The following PALLD variants were observed in gnomAD, a reference collection of about 807,000 sequenced individuals.
PALLD encodes the protein palladin.
PALLD carries 61 observed loss-of-function variants against 123.5 expected under a neutral mutation model. That is an observed-to-expected ratio of 0.49 (90% CI 0.40 to 0.61). The LOEUF is 0.61. Ranked by LOEUF, PALLD falls within the 20% of genes least tolerant of loss-of-function variation. The pLI is 0.00. For synonymous variants in PALLD, 465 were observed against 496.4 expected (o/e 0.94, Z 0.84); for missense variants, 1,273 against 1,377.0 (o/e 0.92, Z 1.20).
At chr4:168,587,026 G>A (rs993522836) in intron 2 of PALLD, among the ~76,000 whole-genome samples, 2 of 152,140 alleles carry the variant, frequency 1.3e-5, no homozygotes, top group African/African-American at 4.8e-5. Context: ...AGACATTTCG[G>A]TTGTCACCAC....
At chr4:168,514,597 T>C (rs981466579) in intron 2 of PALLD, among the ~76,000 whole-genome samples, 1 of 152,242 alleles carries the variant, frequency 6.6e-6, no homozygotes, top group African/African-American at 2.4e-5. Context: ...TTCTTACATT[T>C]TACCTTTGAC....
chr4:168,556,606 A>G (rs1767332908), intron 2 of PALLD, among the ~76,000 whole-genome samples: 1 of 152,152 alleles, frequency 6.6e-6, no homozygotes, highest in Non-Finnish European at 1.5e-5. Flanking sequence ...CAAACTATCC[A>G]TCCCCACACA....
At chr4:168,604,115 G>A (rs1454824074) in intron 2 of PALLD, among the ~76,000 whole-genome samples, 1 of 152,138 alleles carries the variant, frequency 6.6e-6, no homozygotes, top group African/African-American at 2.4e-5. Flanking sequence ...GAGCTGCAGT[G>A]AGAAACAAGA....
At chr4:168,782,292 G>A (rs539230849) in intron 10 of PALLD, among the ~76,000 whole-genome samples, 15 of 152,260 alleles carry the variant, frequency 9.9e-5, no homozygotes, top group South Asian at 2.1e-4. Flanking sequence ...GATGTAGAGC[G>A]AATTATATGT....
At chr4:168,666,327 G>A (rs1475142665) in intron 2 of PALLD, among the ~76,000 whole-genome samples, 1 of 152,134 alleles carries the variant, frequency 6.6e-6, no homozygotes, top group African/African-American at 2.4e-5. Context: ...TTCACAGACA[G>A]ACTCAACTAG....
intron 3 of PALLD, among the ~76,000 whole-genome samples, chr4:168,669,958 A>G (rs1215446440): frequency 6.6e-6 from 1 of 152,210 alleles, no homozygotes; most frequent in East Asian, 1.9e-4. Flanking sequence ...TCCAGGGCCC[A>G]TATTAACCAC....
intron 1 of PALLD, among the ~76,000 whole-genome samples, chr4:168,509,534 A>G (rs1435004020): frequency 6.6e-6 from 1 of 152,234 alleles, no homozygotes; most frequent in East Asian, 1.9e-4. Context: ...CCATATCTGA[A>G]TAACTGGAGA....
chr4:168,524,095 C>T (rs949738978), intron 2 of PALLD, among the ~76,000 whole-genome samples: 1 of 152,180 alleles, frequency 6.6e-6, no homozygotes, highest in African/African-American at 2.4e-5. Flanking sequence ...ATCTATTTTA[C>T]AACACTTTAA....
chr4:168,519,631 A>C (rs1007457067), intron 2 of PALLD, among the ~76,000 whole-genome samples: 7 of 152,142 alleles, frequency 4.6e-5, no homozygotes, highest in African/African-American at 1.4e-4. Context: ...CAATTAAAAA[A>C]TCTGTATATG....
chr4:168,638,900 T>C (rs1266727718), intron 2 of PALLD, among the ~76,000 whole-genome samples: 1 of 152,176 alleles, frequency 6.6e-6, no homozygotes, highest in Non-Finnish European at 1.5e-5. Flanking sequence ...TCCTCTCTTT[T>C]TCCTGTCCTT....
intron 2 of PALLD, among the ~76,000 whole-genome samples, chr4:168,602,897 G>A (rs2149732006): frequency 6.6e-6 from 1 of 151,616 alleles, no homozygotes; most frequent in African/African-American, 2.4e-5. Context: ...TCCTGAGTAG[G>A]TGGGACTGCA....
At chr4:168,540,010 T>G (rs1765463196) in intron 2 of PALLD, among the ~76,000 whole-genome samples, 1 of 152,062 alleles carries the variant, frequency 6.6e-6, no homozygotes, top group African/African-American at 2.4e-5. Flanking sequence ...GTTGCCATCT[T>G]TATGTCCATG....
rs181076130 is a variant in PALLD at position 168,823,480 on chromosome 4, G to A, written c.1965-67442G>A. On this transcript the variant is annotated intron_variant, in intron 10 of 21. Coordinates refer to ENST00000505667, the MANE Select transcript of PALLD (RefSeq NM_001166108.2). Reference sequence around the variant, plus strand: ...GGATCACTTGAGCTCAAGAGTTTGAGACCAGACTGGGCAACGTGGTGAGAC... The same window carrying A: ...GGATCACTTGAGCTCAAGAGTTTGAAACCAGACTGGGCAACGTGGTGAGAC... Among the ~76,000 whole-genome samples the A allele has an allele frequency of 6.1e-3, 934 of 152,210 alleles. 13 individuals carry two copies. The highest frequency in any genetic ancestry group is 8.7e-3 in the South Asian group (42 of 4,822).
chr4:168,821,532 A>G (rs1742710193), intron 10 of PALLD, among the ~76,000 whole-genome samples: 1 of 152,152 alleles, frequency 6.6e-6, no homozygotes. Flanking sequence ...ACACATACAG[A>G]TATACACAAA....
At chr4:168,690,572 G>A (rs200619249) in intron 6 of PALLD, 31 bp from the exon 7 acceptor site, 85 of 1,613,782 alleles carry the variant, frequency 5.3e-5, no homozygotes, top group Non-Finnish European at 6.9e-5. Context: ...AAAGTCTGAT[G>A]GGGTTTTCCT....
chr4:168,610,916 A>G (rs936553314), intron 2 of PALLD, among the ~76,000 whole-genome samples: 2 of 152,176 alleles, frequency 1.3e-5, no homozygotes, highest in African/African-American at 4.8e-5. Context: ...GCCACAACTA[A>G]TAAAAGCTGC....
rs34328020 is a variant in PALLD at position 168,681,540 on chromosome 4, A to ATTTTTTTTTTTTTTTTTTTTTT, written c.1154+144_1154+165dup. 6 of 340,360 alleles carry ATTTTTTTTTTTTTTTTTTTTTT rather than the reference A, an allele frequency of 1.8e-5. 1 individual carries two copies. The highest frequency in any genetic ancestry group is 9.5e-5 in the African/African-American group (3 of 31,688). 21.1% of individuals were successfully genotyped at this position (340,360 alleles called of 1,614,324 possible). On this transcript the variant is annotated intron_variant, in intron 4 of 21. Coordinates refer to ENST00000505667, the MANE Select transcript of PALLD (RefSeq NM_001166108.2). ...GATCAAATACTGAGGTTGGAACACA[A>ATTTTTTTTTTTTTTTTTTTTTT]TTTTTTTTTTTTTTTTTTTTTTTGA...
intron 10 of PALLD, among the ~76,000 whole-genome samples, chr4:168,831,849 T>C (rs1744252468): frequency 6.6e-6 from 1 of 152,226 alleles, no homozygotes; most frequent in African/African-American, 2.4e-5. Flanking sequence ...GCCCGATTTG[T>C]AGCTTGGCTG....
chr4:168,867,929 A>T (rs1006310060), intron 10 of PALLD, among the ~76,000 whole-genome samples: 4 of 151,942 alleles, frequency 2.6e-5, no homozygotes, highest in African/African-American at 7.2e-5. Context: ...AGAAAAAAAA[A>T]ATTCTGAGAT....
Sources: allele counts gnomAD v4.1 joint callset (sites outside exome capture counted in the v4.1 genomes callset), GRCh38; gene constraint gnomAD v4.1.1; transcripts MANE v1.5; gene names NCBI Gene and HGNC (gene_info 2026-07-23, HGNC 2026-07-21).